The following WHR1 variants were observed in gnomAD, a reference collection of about 807,000 sequenced individuals.
The protein encoded by WHR1 is winged helix repair factor 1, also known as MHC class III HLA-RP1.
chr6:31,977,048 A>G, the WHR1 span, among the ~76,000 whole-genome samples: 10 of 152,204 alleles, frequency 6.6e-5, no homozygotes, highest in Non-Finnish European at 1.3e-4. Context: ...GGATAATTCC[A>G]CTATTACTTG....
At chr6:31,971,870 T>C in the WHR1 span, 1 of 1,434,762 alleles carries the variant, frequency 7.0e-7, no homozygotes, top group Non-Finnish European at 9.3e-7. The surrounding 1 kb of genome is among the most constrained non-coding windows in gnomAD (Gnocchi z 4.5). Context: ...TCCCTCCAGG[T>C]CCTCCAAATG....
chr6:31,973,261 C>A, the WHR1 span: 1 of 306,954 alleles, frequency 3.3e-6, no homozygotes. Context: ...CTCAGACTTT[C>A]CAGATGACTG....
the WHR1 span, chr6:31,979,562 T>A: frequency 6.2e-7 from 1 of 1,612,504 alleles, no homozygotes. Context: ...ACGTGAGACT[T>A]GTGGAACCAA....
the WHR1 span, chr6:31,972,363 C>T: frequency 1.2e-6 from 2 of 1,613,100 alleles, no homozygotes; most frequent in Non-Finnish European, 1.7e-6. This position sits in a 1 kb window ranked among gnomAD's most constrained non-coding sequence, Gnocchi z 6.3. Flanking sequence ...TTTTCAGGTT[C>T]TCTTCCCTCC....
chr6:31,975,060 G>A, the WHR1 span, among the ~76,000 whole-genome samples: 1 of 152,172 alleles, frequency 6.6e-6, no homozygotes, highest in Non-Finnish European at 1.5e-5. Context: ...TGTTTATAAA[G>A]CAGATACCTA....
chr6:31,971,259 C>T, the WHR1 span: 1 of 1,540,570 alleles, frequency 6.5e-7, no homozygotes, highest in Non-Finnish European at 8.8e-7. This position sits in a 1 kb window ranked among gnomAD's most constrained non-coding sequence, Gnocchi z 4.5. Context: ...GGCTTTGGCT[C>T]TCCTAATTTT....
chr6:31,974,358 G>A, the WHR1 span, among the ~76,000 whole-genome samples: 1 of 151,922 alleles, frequency 6.6e-6, no homozygotes, highest in Non-Finnish European at 1.5e-5. Flanking sequence ...TGAAGTAGTT[G>A]GCAGTATTAG....
the WHR1 span, chr6:31,972,084 T>C: frequency 1.2e-6 from 2 of 1,612,910 alleles, no homozygotes; most frequent in Middle Eastern, 1.7e-4. This position sits in a 1 kb window ranked among gnomAD's most constrained non-coding sequence, Gnocchi z 6.3. Flanking sequence ...AGGTGTGAGC[T>C]TCACGAAGGA....
chr6:31,976,290 G>A, the WHR1 span, among the ~76,000 whole-genome samples: 1 of 151,854 alleles, frequency 6.6e-6, no homozygotes, highest in Non-Finnish European at 1.5e-5. Flanking sequence ...TCCTGGAGGG[G>A]GCGGCTGCCG....
At chr6:31,973,673 T>C in the WHR1 span, among the ~76,000 whole-genome samples, 1 of 152,202 alleles carries the variant, frequency 6.6e-6, no homozygotes, top group Non-Finnish European at 1.5e-5. Flanking sequence ...ACTCCAGGTT[T>C]AGAGTGGAAG....
At chr6:31,972,197 G>C in the WHR1 span, 14 of 1,611,988 alleles carry the variant, frequency 8.7e-6, no homozygotes, top group Non-Finnish European at 1.2e-5. This position sits in a 1 kb window ranked among gnomAD's most constrained non-coding sequence, Gnocchi z 6.3. Context: ...GTGGGGCCCG[G>C]CCTGGCGGAG....
chr6:31,980,550 T>A, the WHR1 span: 1 of 1,612,156 alleles, frequency 6.2e-7, no homozygotes, highest in Non-Finnish European at 8.5e-7. Flanking sequence ...TTGTTAAAGG[T>A]ATCCCATCTG....
At chr6:31,972,989 T>C in the WHR1 span, 8 of 755,788 alleles carry the variant, frequency 1.1e-5, no homozygotes, top group African/African-American at 1.2e-4. This position sits in a 1 kb window ranked among gnomAD's most constrained non-coding sequence, Gnocchi z 6.3. Flanking sequence ...TCATGGGGCA[T>C]GGTTCGAACA....
chr6:31,973,341 T>A, the WHR1 span: 1 of 237,182 alleles, frequency 4.2e-6, no homozygotes, highest in South Asian at 5.2e-5. Context: ...TTATACAAGT[T>A]GAGTTGATGG....
chr6:31,979,242 GA>G, the WHR1 span, among the ~76,000 whole-genome samples: 2 of 99,654 alleles, frequency 2.0e-5, no homozygotes, highest in Admixed American at 1.1e-4. Flanking sequence ...GGGGGAGGAG[GA>G]GGGGGGGAGG....
At chr6:31,979,777 C>T in the WHR1 span, 1 of 532,760 alleles carries the variant, frequency 1.9e-6, no homozygotes, top group Non-Finnish European at 3.3e-6. Context: ...GAATTCAGTT[C>T]TTGGTGGCTT....
At chr6:31,975,121 T>C in the WHR1 span, among the ~76,000 whole-genome samples, 2 of 152,028 alleles carry the variant, frequency 1.3e-5, no homozygotes, top group Non-Finnish European at 1.5e-5. Context: ...ATCCCACATA[T>C]ATCCCTCTCT....
At chr6:31,971,248 C>T in the WHR1 span, 16 of 1,542,168 alleles carry the variant, frequency 1.0e-5, no homozygotes, top group South Asian at 1.2e-5. The surrounding 1 kb of genome is among the most constrained non-coding windows in gnomAD (Gnocchi z 4.5). Context: ...ATTCTCACCC[C>T]GGCTTTGGCT....
the WHR1 span, chr6:31,979,839 A>G: frequency 2.0e-5 from 7 of 353,826 alleles, no homozygotes; most frequent in Non-Finnish European, 3.7e-5. Flanking sequence ...GATGTTAATC[A>G]TACTGGGACT....
Sources: gnomAD v4.1 joint callset for allele counts (sites outside exome capture counted in the v4.1 genomes callset) on GRCh38, gnomAD v4.1.1 for gene constraint, Gnocchi (gnomAD v3.1) non-coding constraint, MANE v1.5 for transcripts, NCBI Gene and HGNC (gene_info 2026-07-23, HGNC 2026-07-21) for gene names.